Variants in GIMD1 observed in about 807,000 individuals in gnomAD.
GIMD1 encodes GTPase IMAP family member GIMD1.
GIMD1 carries 14 observed loss-of-function variants against 14.9 expected under a neutral mutation model. That is an observed-to-expected ratio of 0.94 (90% CI 0.62 to 1.47). The LOEUF is 1.47. Ranked by LOEUF, GIMD1 falls within the 40% of genes most tolerant of loss-of-function variation. The probability of loss-of-function intolerance (pLI) is 0.00; values close to 1 mark genes in which losing one functional copy is unlikely to be tolerated. For synonymous variants in GIMD1, 91 were observed against 90.5 expected (o/e 1.01, Z -0.03); for missense variants, 272 against 255.3 (o/e 1.07, Z -0.44).
At chr4:106,361,986 G>A (rs1393871660) in intron 2 of GIMD1, among the ~76,000 whole-genome samples, 1 of 151,816 alleles carries the variant, frequency 6.6e-6, no homozygotes, top group East Asian at 1.9e-4. Context: ...TTTCTGTATT[G>A]TAACATTAAC....
chr4:106,363,235 G>C (rs543813436), intron 2 of GIMD1, among the ~76,000 whole-genome samples: 8 of 151,968 alleles, frequency 5.3e-5, no homozygotes, highest in Non-Finnish European at 7.4e-5. Flanking sequence ...CACTTGCCAC[G>C]TGCCTGTGCC....
intron 2 of GIMD1, among the ~76,000 whole-genome samples, chr4:106,366,129 A>G (rs1239920661): frequency 2.0e-5 from 3 of 152,104 alleles, no homozygotes; most frequent in African/African-American, 7.2e-5. Context: ...GGCATGTGTT[A>G]TTTATGCTCA....
Position 106,364,353 on chromosome 4 carries a change from T to A in GIMD1, c.393+2690A>T, listed in dbSNP as rs77314964. On this transcript the variant is annotated intron_variant, in intron 2 of 2. Coordinates refer to ENST00000638719, the MANE Select transcript of GIMD1 (RefSeq NM_001195138.2). Reference sequence around the variant, plus strand: ...AAAGGGGTAAAAGAAAGAAGGCAGATACTCCATACTCCATTTTGCATCAGC... The same window carrying A: ...AAAGGGGTAAAAGAAAGAAGGCAGAAACTCCATACTCCATTTTGCATCAGC... 1.0e-3 allele frequency among the ~76,000 whole-genome samples: 153 copies of A among 152,296 alleles called. 4 individuals are homozygous for A. The highest frequency in any genetic ancestry group is 2.5e-3 in the Admixed American group (38 of 15,288).
Position 106,363,690 on chromosome 4 carries a change from G to A in GIMD1, c.393+3353C>T, listed in dbSNP as rs979782664. Among the ~76,000 whole-genome samples, 12 of 152,034 alleles carry A rather than the reference G, an allele frequency of 7.9e-5. No homozygotes were observed. In the East Asian group the frequency reaches 2.3e-3, roughly 29 times the overall value. Reference sequence around the variant, plus strand: ...TAGTCATACACCTATGAAGTAATTAGGCTTGTTTTTTTAACTAAATTCTAA... The same window carrying A: ...TAGTCATACACCTATGAAGTAATTAAGCTTGTTTTTTTAACTAAATTCTAA... On this transcript the variant is annotated intron_variant, in intron 2 of 2. Transcript: ENST00000638719.
intron 2 of GIMD1, among the ~76,000 whole-genome samples, chr4:106,359,947 C>T (rs1770590869): frequency 6.6e-6 from 1 of 151,916 alleles, no homozygotes; most frequent in East Asian, 1.9e-4. Context: ...TCTACAACTT[C>T]ATAGTGAACT....
rs1352444556 is a variant in GIMD1 at position 106,358,057 on chromosome 4, A to C, written c.*126T>G. 5 of 623,664 alleles carry C rather than the reference A, an allele frequency of 8.0e-6. No individual in the cohort carries two copies. The highest frequency in any genetic ancestry group is 1.1e-5 in the Non-Finnish European group (4 of 376,544). The allele number at this position is 623,664 out of a possible 1,614,324, so 38.6% of individuals were successfully genotyped here. Reference sequence around the variant, plus strand: ...ACTTCTAGTTTTCCAAAGTGGTTATACCAATGTACACTCTCACCAGCAGCA... The same window carrying C: ...ACTTCTAGTTTTCCAAAGTGGTTATCCCAATGTACACTCTCACCAGCAGCA... On this transcript the variant is annotated 3_prime_UTR_variant, in exon 3 of 3. Coordinates refer to ENST00000638719, the MANE Select transcript of GIMD1 (RefSeq NM_001195138.2).
chr4:106,367,952 G>A (rs1770729751), intron 1 of GIMD1, among the ~76,000 whole-genome samples: 1 of 151,804 alleles, frequency 6.6e-6, no homozygotes, highest in Admixed American at 6.6e-5. Context: ...ATACACAAGT[G>A]GTATCTGCAA....
intron 2 of GIMD1, among the ~76,000 whole-genome samples, chr4:106,365,134 A>G (rs985791531): frequency 6.6e-6 from 1 of 152,206 alleles, no homozygotes. Flanking sequence ...TAAAGATTAT[A>G]CTGGTGTCAT....
At chr4:106,366,910 AATT>A in intron 2 of GIMD1, 130 bp downstream of exon 2, 1 of 300,426 alleles carries the variant, frequency 3.3e-6, no homozygotes, top group Non-Finnish European at 5.5e-6. Context: ...TAGTTGTATA[AATT>A]ATTATGTACT....
chr4:106,361,215 C>T (rs1298551094), intron 2 of GIMD1, among the ~76,000 whole-genome samples: 1 of 152,026 alleles, frequency 6.6e-6, no homozygotes, highest in Non-Finnish European at 1.5e-5. Flanking sequence ...ACAAGACAGA[C>T]ATATTCTGTT....
At chr4:106,367,530 G>A in intron 1 of GIMD1, 93 bp from the exon 2 acceptor site, 7 of 1,209,762 alleles carry the variant, frequency 5.8e-6, no homozygotes, top group South Asian at 1.6e-5. Flanking sequence ...CTCCAAGTAC[G>A]ATTTTAGATT....
chr4:106,365,015 T>G (rs58531235), intron 2 of GIMD1, among the ~76,000 whole-genome samples: 35,570 of 151,920 alleles, frequency 0.23, 4,383 homozygotes, highest in Middle Eastern at 0.38. Flanking sequence ...GGGTAGCTTT[T>G]GAAAAAGAGT....
intron 2 of GIMD1, among the ~76,000 whole-genome samples, chr4:106,364,282 C>T (rs1489277511): frequency 6.6e-6 from 1 of 152,138 alleles, no homozygotes; most frequent in Non-Finnish European, 1.5e-5. Flanking sequence ...ACTTCTCTGA[C>T]TCTGGCTTGG....
intron 2 of GIMD1, among the ~76,000 whole-genome samples, chr4:106,364,459 C>T (rs895755905): frequency 2.6e-5 from 4 of 152,152 alleles, no homozygotes; most frequent in Non-Finnish European, 5.9e-5. Flanking sequence ...GCTGCTGGTC[C>T]TGTTGAATAT....
At position 106,358,169 on chromosome 4, in the gene GIMD1, C is replaced by T. The variant is rs1203378150; in HGVS notation, c.*14G>A. ...GACTCCAATACCCAATGCTCCTTTCCTTTCACCTAAATTTTATTTAAATGT... is the reference window on the plus strand; with the variant it reads ...GACTCCAATACCCAATGCTCCTTTCTTTTCACCTAAATTTTATTTAAATGT... On this transcript the variant is annotated 3_prime_UTR_variant, in exon 3 of 3. Coordinates refer to ENST00000638719, the MANE Select transcript of GIMD1 (RefSeq NM_001195138.2). 4.1e-6 allele frequency: 6 copies of T among 1,453,482 alleles called. No individual in the cohort carries two copies. Among genetic ancestry groups the T allele is most frequent in the Non-Finnish European group, 4.5e-6 (5 of 1,104,390 alleles). 90.0% of individuals were successfully genotyped at this position (1,453,482 alleles called of 1,614,324 possible).
At chr4:106,360,643 A>G (rs558387927) in intron 2 of GIMD1, among the ~76,000 whole-genome samples, 153 of 152,176 alleles carry the variant, frequency 1.0e-3, no homozygotes, top group Non-Finnish European at 1.8e-3. Context: ...AAATAGGGTC[A>G]TTGCAAATAT....
intron 2 of GIMD1, among the ~76,000 whole-genome samples, chr4:106,363,891 G>A (rs112168626): frequency 7.2e-5 from 10 of 138,744 alleles, no homozygotes; most frequent in African/African-American, 2.6e-4. Context: ...AATGGGGGGG[G>A]GGGGGCGGAA....
At chr4:106,364,311 C>A (rs1197781133) in intron 2 of GIMD1, among the ~76,000 whole-genome samples, 1 of 152,086 alleles carries the variant, frequency 6.6e-6, no homozygotes, top group Non-Finnish European at 1.5e-5. Flanking sequence ...TTCTACAGTA[C>A]TAGTCAGTGC....
At position 106,367,393 on chromosome 4, in the gene GIMD1, C is replaced by T; in HGVS notation, c.43G>A (p.Gly15Ser). The change falls in exon 2 of 3, where the codon GGC (glycine) becomes AGC (serine). Residue 15 changes from glycine (G) to serine (S), a missense_variant. By Grantham distance (56) the Gly-to-Ser change is moderately conservative (BLOSUM62 0). Coordinates refer to ENST00000638719, the MANE Select transcript of GIMD1 (RefSeq NM_001195138.2). The stretch of plus-strand genomic sequence containing the variant: ...GAACTTTTTCCACTCTGAGTCATGC[C>T]AAAGAGGGCCAAGTTGATGATCATC... The part of the protein sequence containing the change: ...NKMIINLALF[G>S]MTQSGKSSAG... 1.3e-6 allele frequency: 2 copies of T among 1,535,384 alleles called. No individual in the cohort carries two copies. The highest frequency in any genetic ancestry group is 1.7e-6 in the Non-Finnish European group (2 of 1,146,516).
Sources: allele counts gnomAD v4.1 joint callset (sites outside exome capture counted in the v4.1 genomes callset), GRCh38; gene constraint gnomAD v4.1.1; transcripts MANE v1.5; gene names NCBI Gene and HGNC (gene_info 2026-07-23, HGNC 2026-07-21).